INPP4B: variants seen among roughly 807,000 people sequenced by gnomAD.
The protein encoded by INPP4B is inositol polyphosphate-4-phosphatase type II B.
INPP4B carries 55 observed loss-of-function variants against 122.5 expected under a neutral mutation model. The ratio of observed to expected loss-of-function variants is 0.45; its 90% confidence interval spans 0.36 to 0.56. The LOEUF is 0.56. Among genes scored for constraint, INPP4B ranks in the 20% least tolerant of loss-of-function variants. The probability of loss-of-function intolerance (pLI) is 0.00; values close to 1 mark genes in which losing one functional copy is unlikely to be tolerated. For synonymous variants in INPP4B, 403 were observed against 388.7 expected, an observed-to-expected ratio of 1.04 and a Z score of -0.43; for missense variants, 1,000 against 1,097.7, an observed-to-expected ratio of 0.91 and a Z score of 1.26.
chr4:142,635,241 CACTTAT>C (rs1048954540), intron 2 of INPP4B, among the ~76,000 whole-genome samples: 15 of 152,200 alleles, frequency 9.9e-5, no homozygotes, highest in African/African-American at 3.1e-4. Flanking sequence ...GAAAAGGGAA[CACTTAT>C]ACACTGTTAG....
At chr4:142,285,630 TA>T (rs1044393444) in intron 9 of INPP4B, among the ~76,000 whole-genome samples, 8 of 138,910 alleles carry the variant, frequency 5.8e-5, no homozygotes, top group African/African-American at 1.4e-4. Context: ...TCTAGGTAAA[TA>T]AAGGGGAATG....
At chr4:142,096,814 A>C (rs1782018149) in intron 23 of INPP4B, among the ~76,000 whole-genome samples, 1 of 152,166 alleles carries the variant, frequency 6.6e-6, no homozygotes, top group South Asian at 2.1e-4. Context: ...TACAATCTTC[A>C]GTTCACTGCA....
intron 18 of INPP4B, among the ~76,000 whole-genome samples, chr4:142,128,125 T>C (rs55784399): frequency 0.12 from 18,983 of 152,020 alleles, 1,338 homozygotes; most frequent in East Asian, 0.23. Context: ...TATGTCTCTC[T>C]ATACCTTACA....
intron 7 of INPP4B, among the ~76,000 whole-genome samples, chr4:142,389,794 T>C (rs978521410): frequency 3.3e-5 from 5 of 152,182 alleles, no homozygotes; most frequent in African/African-American, 1.2e-4. Flanking sequence ...ACTGAAAACA[T>C]AGTTTTACAT....
intron 1 of INPP4B, among the ~76,000 whole-genome samples, chr4:142,727,142 T>C (rs891600280): frequency 2.0e-5 from 3 of 152,206 alleles, no homozygotes; most frequent in African/African-American, 7.2e-5. Flanking sequence ...GAAAGAGTCC[T>C]TCTGGGTCTT....
intron 1 of INPP4B, among the ~76,000 whole-genome samples, chr4:142,838,181 T>TACAC (rs200409453): frequency 6.6e-6 from 1 of 151,410 alleles, no homozygotes; most frequent in South Asian, 2.1e-4. Flanking sequence ...TTCACACACA[T>TACAC]ACACACACAC....
At chr4:142,135,426 G>T (rs1803548419) in intron 18 of INPP4B, among the ~76,000 whole-genome samples, 1 of 147,972 alleles carries the variant, frequency 6.8e-6, no homozygotes, top group Non-Finnish European at 1.5e-5. Flanking sequence ...AAAAAAGTGA[G>T]ATATTTTATA....
intron 1 of INPP4B, among the ~76,000 whole-genome samples, chr4:142,742,070 A>G (rs775419287): frequency 6.6e-6 from 1 of 152,032 alleles, no homozygotes; most frequent in Non-Finnish European, 1.5e-5. Context: ...ATCTTCTTAC[A>G]GCCTGAAATA....
intron 7 of INPP4B, among the ~76,000 whole-genome samples, chr4:142,378,523 C>T (rs150452819): frequency 2.1e-3 from 318 of 152,238 alleles, no homozygotes; most frequent in Middle Eastern, 3.4e-3. Context: ...ACTATTTATT[C>T]CACATGTATG....
intron 12 of INPP4B, among the ~76,000 whole-genome samples, chr4:142,230,759 A>T (rs536184332): frequency 3.3e-4 from 50 of 151,920 alleles, no homozygotes; most frequent in African/African-American, 1.1e-3. Context: ...TATTTCACAT[A>T]GTGAGCATGT....
At chr4:142,701,535 A>G (rs1761768895) in intron 2 of INPP4B, among the ~76,000 whole-genome samples, 1 of 152,108 alleles carries the variant, frequency 6.6e-6, no homozygotes, top group African/African-American at 2.4e-5. Flanking sequence ...TCATGGAAAG[A>G]AAAAGGGATT....
intron 1 of INPP4B, among the ~76,000 whole-genome samples, chr4:142,767,068 C>T (rs1401538612): frequency 3.3e-5 from 5 of 152,180 alleles, no homozygotes; most frequent in Non-Finnish European, 5.9e-5. Context: ...CACTGGTTTC[C>T]TCAATGATAA....
At chr4:142,041,252 T>C (rs1273462418) in intron 25 of INPP4B, among the ~76,000 whole-genome samples, 1 of 152,100 alleles carries the variant, frequency 6.6e-6, no homozygotes, top group African/African-American at 2.4e-5. Context: ...ATCCATACCA[T>C]AGGATTATTG....
intron 2 of INPP4B, among the ~76,000 whole-genome samples, chr4:142,506,361 C>T (rs1197525308): frequency 2.0e-5 from 3 of 152,038 alleles, no homozygotes; most frequent in Non-Finnish European, 4.4e-5. Flanking sequence ...TTCTTCCTCA[C>T]CTATCACCAA....
chr4:142,140,469 C>T (rs12503726), intron 18 of INPP4B, among the ~76,000 whole-genome samples: 18,123 of 152,094 alleles, frequency 0.12, 1,698 homozygotes, highest in African/African-American at 0.26. Flanking sequence ...CATACTGTTC[C>T]TTTTAGTGAT....
Position 142,788,581 on chromosome 4 carries a change from C to CA in INPP4B, c.-254+57627dup. ...GTGCACCCATCACCCAAGCAGTATA[C>CA]ACTGCACACAATTTGTAGTCTTTTA... On this transcript the variant is annotated intron_variant, in intron 1 of 25. Transcript: ENST00000262992. Among the ~76,000 whole-genome samples, 3 of 152,146 alleles carry CA rather than the reference C, an allele frequency of 2.0e-5. No homozygotes were observed. In the East Asian group the frequency reaches 5.8e-4, roughly 29 times the overall value.
chr4:142,702,496 G>T (rs776449069), intron 2 of INPP4B, among the ~76,000 whole-genome samples: 1 of 152,050 alleles, frequency 6.6e-6, no homozygotes, highest in African/African-American at 2.4e-5. Context: ...AGGCCAAGGC[G>T]GGCAGATAAC....
chr4:142,062,788 C>CA (rs1468214423), intron 25 of INPP4B, among the ~76,000 whole-genome samples: 1 of 150,792 alleles, frequency 6.6e-6, no homozygotes, highest in Non-Finnish European at 1.5e-5. Flanking sequence ...CAAACAAACA[C>CA]AAAAAAACTT....
At chr4:142,756,245 T>C (rs1770503178) in intron 1 of INPP4B, among the ~76,000 whole-genome samples, 1 of 151,696 alleles carries the variant, frequency 6.6e-6, no homozygotes, top group Non-Finnish European at 1.5e-5. Flanking sequence ...TGAAGGAAGT[T>C]AGCCTGAAAG....
Sources: gnomAD v4.1 joint callset for allele counts (sites outside exome capture counted in the v4.1 genomes callset) on GRCh38, gnomAD v4.1.1 for gene constraint, MANE v1.5 for transcripts, NCBI Gene and HGNC (gene_info 2026-07-23, HGNC 2026-07-21) for gene names.